The following ITGB4 variants were observed in gnomAD, a reference collection of about 807,000 sequenced individuals.
ITGB4 encodes the protein integrin subunit beta 4, also known as integrin beta-4.
A neutral mutation model predicts 207.6 loss-of-function variants in ITGB4; 159 were observed. That is an observed-to-expected ratio of 0.77 (90% CI 0.67 to 0.87). ITGB4 has a LOEUF of 0.87. Among genes scored for constraint, ITGB4 ranks in the 40% least tolerant of loss-of-function variants. The pLI, the probability that ITGB4 is intolerant of heterozygous loss-of-function variation, is 0.00. For missense variants in ITGB4, 2,278 were observed against 2,546.8 expected (o/e 0.89, Z 2.27); for synonymous variants, 1,020 against 1,062.7 (o/e 0.96, Z 0.78).
intron 16 of ITGB4, 39 bp from the exon 17 acceptor site, chr17:75,737,283 G>A (rs746667140): frequency 6.3e-7 from 1 of 1,576,608 alleles, no homozygotes; most frequent in Non-Finnish European, 8.6e-7. Context: ...GGGCGGAGGG[G>A]TGTGGCTGGG....
chr17:75,745,879 G>A (rs1385881965), intron 26 of ITGB4, among the ~76,000 whole-genome samples: 1 of 151,134 alleles, frequency 6.6e-6, no homozygotes, highest in African/African-American at 2.4e-5. Flanking sequence ...ACTCTGTCTC[G>A]AAAAAAGAAA....
intron 2 of ITGB4, 95 bp downstream of exon 2, chr17:75,724,877 C>A: frequency 9.6e-7 from 1 of 1,043,306 alleles, no homozygotes; most frequent in Non-Finnish European, 1.5e-6. Context: ...CTCACCTAAA[C>A]ACGCTTGGCC....
At chr17:75,754,144 C>T (rs925683735) in intron 33 of ITGB4, among the ~76,000 whole-genome samples, 170 bp downstream of exon 33, 1 of 152,168 alleles carries the variant, frequency 6.6e-6, no homozygotes, top group African/African-American at 2.4e-5. Context: ...CCAGGGGACG[C>T]GTGAGGCAGG....
In ITGB4 at chr17:75,742,736, A is replaced by G. The variant is rs2061142707; in HGVS notation, c.2937A>G (p.Val979=). 1 of 1,611,702 alleles carries G rather than the reference A, an allele frequency of 6.2e-7. No individual in the cohort carries two copies. The highest frequency in any genetic ancestry group is 1.7e-5 in the Admixed American group (1 of 59,990). The change falls in exon 25 of 40, where the codon GTA becomes GTG. Residue 979 remains valine (V), a synonymous_variant. Transcript: ENST00000200181. The surrounding 1 kb of genome is among the most constrained non-coding windows in gnomAD (Gnocchi z 5.9). ...AGTATLGRRL[V]NITIIKEQAR... is the part of the protein sequence containing the mutation. ...CTGCCACCCTCGGCCGCCGCCTGGT[A>G]AACATCACCATCATCAAGGAGCAAG...
In ITGB4 at chr17:75,730,161, G is replaced by A. The variant is rs148575275; in HGVS notation, c.739-80G>A. On this transcript the variant is annotated intron_variant, in intron 7 of 39. Coordinates refer to ENST00000200181, the MANE Select transcript of ITGB4 (RefSeq NM_000213.5). Reference sequence around the variant, plus strand: ...AGCCCAGCCCCATGTTGGGACCCGCGTTCCCCGTCCTACACGACGCCGTGA... The same window carrying A: ...AGCCCAGCCCCATGTTGGGACCCGCATTCCCCGTCCTACACGACGCCGTGA... 17,792 of 1,588,752 alleles carry A rather than the reference G, an allele frequency of 0.011. 151 individuals carry two copies. The highest frequency in any genetic ancestry group is 0.021 in the South Asian group (1,850 of 90,148).
rs1555729274 is a variant in ITGB4, at chr17:75,722,757, C to CTCTG, written c.-11+1146_-11+1147insCTGT. On this transcript the variant is annotated intron_variant, in intron 1 of 39. Transcript: ENST00000200181. This position sits in a 1 kb window ranked among gnomAD's most constrained non-coding sequence, Gnocchi z 6.2. The stretch of plus-strand genomic sequence containing the variant: ...GAGCCTGTGGGTGGGTGGGCATGGC[C>CTCTG]TGTGTGTGTGTGTGTGTGTGTGTGT... 8.9e-5 allele frequency among the ~76,000 whole-genome samples: 12 copies of CTCTG among 135,164 alleles called. No homozygotes were observed. In the East Asian group the frequency reaches 2.0e-3, roughly 23 times the overall value. 88.7% of individuals were successfully genotyped at this position (135,164 alleles called of 152,430 possible). A position where few individuals can be genotyped will look rare whatever the true frequency, so the allele number is the denominator to read the frequency against.
chr17:75,752,586 A>AGAC lies in ITGB4; in HGVS notation c.4108+10_4108+12dup, dbSNP rs1249399162. On this transcript the variant is annotated intron_variant, in intron 32 of 39. Coordinates refer to ENST00000200181, the MANE Select transcript of ITGB4 (RefSeq NM_000213.5). ...CGTCTCCGATGACACTGGTGAGTGGAGACCTGGGACCCACAAGAGGACAGT... is the reference window on the plus strand; with the variant it reads ...CGTCTCCGATGACACTGGTGAGTGGAGACGACCTGGGACCCACAAGAGGACAGT... 6.2e-7 allele frequency: 1 copy of AGAC among 1,613,276 alleles called. No individual in the cohort carries two copies. The highest frequency in any genetic ancestry group is 8.5e-7 in the Non-Finnish European group (1 of 1,179,950).
Position 75,743,832 on chromosome 17 carries a change from A to G in ITGB4, c.3082A>G (p.Thr1028Ala). 6.2e-7 allele frequency: 1 copy of G among 1,606,234 alleles called. No homozygotes were observed. Among genetic ancestry groups the G allele is most frequent in the Non-Finnish European group, 8.5e-7 (1 of 1,176,866 alleles). The change falls in exon 26 of 40, where the codon ACA becomes GCA. Residue 1028 changes from threonine (T) to alanine (A), a missense_variant. By Grantham distance (58) the Thr-to-Ala change is moderately conservative. Coordinates refer to ENST00000200181, the MANE Select transcript of ITGB4 (RefSeq NM_000213.5). ...DGGKSQVSYR[T>A]QDGTAQGNRD... ...CGGGAAGTCCCAGGTCTCCTACCGC[A>G]CACAGGATGGCACCGCGCAGGGCAA...
At position 75,727,574 on chromosome 17, in the gene ITGB4, G is replaced by A; in HGVS notation, c.264+69G>A. 6.3e-7 allele frequency: 1 copy of A among 1,587,626 alleles called. No homozygotes were observed. The highest frequency in any genetic ancestry group is 8.6e-7 in the Non-Finnish European group (1 of 1,166,160). On this transcript the variant is annotated intron_variant, in intron 4 of 39. Coordinates refer to ENST00000200181, the MANE Select transcript of ITGB4 (RefSeq NM_000213.5). This position sits in a 1 kb window ranked among gnomAD's most constrained non-coding sequence, Gnocchi z 6.0. ...CTGGCTATTTATGGGGGTGTATAGTGCCCCTTGGCCGGGCTGGGCCCCCAT... is the reference window on the plus strand; with the variant it reads ...CTGGCTATTTATGGGGGTGTATAGTACCCCTTGGCCGGGCTGGGCCCCCAT...
Position 75,729,722 on chromosome 17 carries a change from T to C in ITGB4, c.738+286T>C, listed in dbSNP as rs543776742. 6.6e-6 allele frequency among the ~76,000 whole-genome samples: 1 copy of C among 152,342 alleles called. No individual in the cohort carries two copies. Among genetic ancestry groups the C allele is most frequent in the East Asian group, 1.9e-4 (1 of 5,192 alleles). On this transcript the variant is annotated intron_variant, in intron 7 of 39. Transcript: ENST00000200181. The surrounding 1 kb of genome is among the most constrained non-coding windows in gnomAD (Gnocchi z 4.4). ...ACCTGGGCTTTAGCGTTCTGGAATC[T>C]TTAGTACCCTGAACCCACCAGCTGC...
Position 75,731,311 on chromosome 17 carries a change from C to A in ITGB4, c.1158C>A (p.Thr386=), listed in dbSNP as rs2148479052. 2 of 1,613,582 alleles carry A rather than the reference C, an allele frequency of 1.2e-6. No homozygotes were observed. Among genetic ancestry groups the A allele is most frequent in the Non-Finnish European group, 8.5e-7 (1 of 1,179,996 alleles). The change falls in exon 10 of 40, where the codon ACC becomes ACA. Residue 386 remains threonine (T), a synonymous_variant. Transcript: ENST00000200181. This position sits in a 1 kb window ranked among gnomAD's most constrained non-coding sequence, Gnocchi z 6.8. ...CCCGAGGCCTTCGGACAGAGGTCAC[C>A]TCCAAGATGTTCCAGAAGACGAGGA... is the stretch of plus-strand genomic sequence containing the variant. ...DSPRGLRTEV[T]SKMFQKTRTG...
rs1182101123 is a variant in ITGB4 at position 75,733,511 on chromosome 17, C to T, written c.1476C>T (p.Cys492=). 6.2e-7 allele frequency: 1 copy of T among 1,613,368 alleles called. No individual in the cohort carries two copies. The highest frequency in any genetic ancestry group is 8.5e-7 in the Non-Finnish European group (1 of 1,180,040). Residue 492 remains cysteine (C), a synonymous_variant, in exon 13 of 40, where the codon TGC becomes TGT. Coordinates refer to ENST00000200181, the MANE Select transcript of ITGB4 (RefSeq NM_000213.5). ...TCAGGAGTGGCCAGACCTGCAACTG[C>T]TCCACCGGCTCTCTGAGTGACATTC... ...SEGWSGQTCN[C]STGSLSDIQP...
chr17:75,740,322 A>C lies in ITGB4; in HGVS notation c.2447-36A>C. ...GTGCCTGTCATGCAGGGGGCTGACC[A>C]CCTCCATCTCACCCCCTCCCACCGC... On this transcript the variant is annotated intron_variant, in intron 20 of 39. Transcript: ENST00000200181. This position sits in a 1 kb window ranked among gnomAD's most constrained non-coding sequence, Gnocchi z 5.9. 1 of 1,529,032 alleles carries C rather than the reference A, an allele frequency of 6.5e-7. No homozygotes were observed. Among genetic ancestry groups the C allele is most frequent in the Non-Finnish European group, 9.0e-7 (1 of 1,109,014 alleles). 94.7% of individuals were successfully genotyped at this position (1,529,032 alleles called of 1,614,324 possible). A position where few individuals can be genotyped will look rare whatever the true frequency, so the allele number is the denominator to read the frequency against.
Position 75,728,379 on chromosome 17 carries a change from C to A in ITGB4, c.472C>A (p.Arg158=), listed in dbSNP as rs1201385784. The change falls in exon 6 of 40, where the codon CGG becomes AGG. Residue 158 remains arginine, a splice_region_variant and synonymous_variant. Coordinates refer to ENST00000200181, the MANE Select transcript of ITGB4 (RefSeq NM_000213.5). The part of the protein sequence containing the change: ...NLKKMGQNLA[R]VLSQLTSDYT... ...CTCTCTGTCCTTTTGACATCCAGCT[C>A]GGGTCCTGAGCCAGCTCACCAGCGA... The A allele has an allele frequency of 5.0e-6, 8 of 1,613,906 alleles. No homozygotes were observed. Among genetic ancestry groups the A allele is most frequent in the South Asian group, 3.3e-5 (3 of 91,066 alleles).
rs1340778884 is a variant in ITGB4 at position 75,731,558 on chromosome 17, C to T, written c.1215+190C>T. Among the ~76,000 whole-genome samples, 1 of 152,158 alleles carries T rather than the reference C, an allele frequency of 6.6e-6. No individual in the cohort carries two copies. The highest frequency in any genetic ancestry group is 1.5e-5 in the Non-Finnish European group (1 of 68,028). On this transcript the variant is annotated intron_variant, in intron 10 of 39. Coordinates refer to ENST00000200181, the MANE Select transcript of ITGB4 (RefSeq NM_000213.5). The surrounding 1 kb of genome is among the most constrained non-coding windows in gnomAD (Gnocchi z 6.8). The stretch of plus-strand genomic sequence containing the variant: ...GTTGGTTTCCTCGGCATGCAAGCGT[C>T]GAGCCCGGAGGCTTGCTGGGGCAGT...
Position 75,750,420 on chromosome 17 carries a change from T to A in ITGB4, c.3474+152T>A, listed in dbSNP as rs2061341685. 2 of 927,146 alleles carry A rather than the reference T, an allele frequency of 2.2e-6. No homozygotes were observed. The highest frequency in any genetic ancestry group is 1.7e-5 in the South Asian group (1 of 59,760). The allele number at this position is 927,146 out of a possible 1,614,324, so 57.4% of individuals were successfully genotyped here. A position where few individuals can be genotyped will look rare whatever the true frequency, so the allele number is the denominator to read the frequency against. On this transcript the variant is annotated intron_variant, in intron 28 of 39. Coordinates refer to ENST00000200181, the MANE Select transcript of ITGB4 (RefSeq NM_000213.5). The surrounding 1 kb of genome is among the most constrained non-coding windows in gnomAD (Gnocchi z 5.5). ...GGTCAGAGGGAAACCCGGTCTGTGC[T>A]GGGAAAGAGGGAAGACCCATTCCTG...
rs1342296940 is a variant in ITGB4 at position 75,724,799 on chromosome 17, C to T, written c.79+17C>T. On this transcript the variant is annotated intron_variant, in intron 2 of 39. Transcript: ENST00000200181. ...GGACCTTGGGTGAGTCCACGTTGCC[C>T]TGCAGCCCCCTCCTGGCAGGATCAT... is the stretch of plus-strand genomic sequence containing the variant. 11 of 1,606,634 alleles carry T rather than the reference C, an allele frequency of 6.8e-6. No homozygotes were observed. The highest frequency in any genetic ancestry group is 2.2e-5 in the South Asian group (2 of 90,920).
At position 75,750,586 on chromosome 17, in the gene ITGB4, C is replaced by A; in HGVS notation, c.3475-94C>A. On this transcript the variant is annotated intron_variant, in intron 28 of 39. Transcript: ENST00000200181. This position sits in a 1 kb window ranked among gnomAD's most constrained non-coding sequence, Gnocchi z 5.5. ...GCCCCTCCCTCGGGCCTCATCTGTG[C>A]AAAGAGGACAGTAAGGGCAGAGGTC... 8.6e-7 allele frequency: 1 copy of A among 1,165,734 alleles called. No homozygotes were observed. 72.2% of individuals were successfully genotyped at this position (1,165,734 alleles called of 1,614,324 possible). A position where few individuals can be genotyped will look rare whatever the true frequency, so the allele number is the denominator to read the frequency against.
intron 5 of ITGB4, 126 bp from the exon 6 acceptor site, chr17:75,728,251 C>T (rs1364778796): frequency 6.5e-6 from 5 of 767,046 alleles, no homozygotes; most frequent in Non-Finnish European, 9.2e-6. Context: ...GAGCATGAAC[C>T]TTTGTCCAGC....
Sources: gnomAD v4.1 joint callset for allele counts (sites outside exome capture counted in the v4.1 genomes callset) on GRCh38, gnomAD v4.1.1 for gene constraint, Gnocchi (gnomAD v3.1) non-coding constraint, MANE v1.5 for transcripts, NCBI Gene and HGNC (gene_info 2026-07-23, HGNC 2026-07-21) for gene names.